The following RAG1 variants were observed in gnomAD, a reference collection of about 807,000 sequenced individuals.
The protein encoded by RAG1 is recombination activating 1.
A neutral mutation model predicts 62.7 loss-of-function variants in RAG1; 35 were observed. The observed-to-expected ratio is 0.56, with a 90% CI of 0.43 to 0.74. The LOEUF (loss-of-function observed/expected upper bound fraction) is 0.74. RAG1 is among the 30% of genes least tolerant of loss of function. The pLI is 0.00. For synonymous variants in RAG1, 461 were observed against 470.3 expected (o/e 0.98, Z 0.26); for missense variants, 1,169 against 1,278.6 (o/e 0.91, Z 1.31).
chr11:36,558,277 C>T (rs1444340306), intron 3 of RAG1, among the ~76,000 whole-genome samples: 2 of 152,162 alleles, frequency 1.3e-5, no homozygotes, highest in Non-Finnish European at 2.9e-5. Flanking sequence ...CTATAAGTGT[C>T]TGTTAGGTCC....
At chr11:36,544,356 GA>G (rs1199289297) in intron 3 of RAG1, among the ~76,000 whole-genome samples, 1 of 152,138 alleles carries the variant, frequency 6.6e-6, no homozygotes, top group Non-Finnish European at 1.5e-5. Flanking sequence ...CACTCTGATA[GA>G]ACACAAAGAA....
At chr11:36,548,932 C>T (rs1195568001) in intron 3 of RAG1, among the ~76,000 whole-genome samples, 1 of 151,992 alleles carries the variant, frequency 6.6e-6, no homozygotes, top group Non-Finnish European at 1.5e-5. Flanking sequence ...GGTATATAGA[C>T]CCATGGAACC....
At chr11:36,546,069 T>G (rs1452388259) in intron 3 of RAG1, among the ~76,000 whole-genome samples, 1 of 152,162 alleles carries the variant, frequency 6.6e-6, no homozygotes, top group Non-Finnish European at 1.5e-5. Flanking sequence ...TGATTTGGGG[T>G]GGAGAGTTCT....
intron 3 of RAG1, among the ~76,000 whole-genome samples, chr11:36,546,191 A>G (rs1441864800): frequency 1.3e-5 from 2 of 152,184 alleles, no homozygotes; most frequent in African/African-American, 4.8e-5. Context: ...AAAGTCTCCC[A>G]CTATTATTGT....
chr11:36,573,495 C>A lies in RAG1; in HGVS notation c.191C>A (p.Ala64Glu). ...EGKPSLEQSP[A>E]VLDKADGQKP... ...AAACCCTCTCTGGAGCAATCTCCAG[C>A]AGTCCTGGACAAGGCTGATGGTCAG... The change falls in exon 2 of 2, where the codon GCA becomes GAA. Residue 64 changes from alanine (A) to glutamate (E), a missense_variant. Transcript: ENST00000299440. The A allele has an allele frequency of 6.2e-7, 1 of 1,614,202 alleles. No individual in the cohort carries two copies. The highest frequency in any genetic ancestry group is 8.5e-7 in the Non-Finnish European group (1 of 1,180,020).
In RAG1 at chr11:36,575,902, G is replaced by A; in HGVS notation, c.2598G>A (p.Val866=). Reference sequence around the variant, plus strand: ...GGAAGCTCATGACCAAAGAGACTGTGGATGCAGTTTGTGAGTTAATTCCTT... The same window carrying A: ...GGAAGCTCATGACCAAAGAGACTGTAGATGCAGTTTGTGAGTTAATTCCTT... The part of the protein sequence containing the change: ...FARKLMTKET[V]DAVCELIPSE... Residue 866 remains valine (V), a synonymous_variant, in exon 2 of 2, where the codon GTG becomes GTA. Coordinates refer to ENST00000299440, the MANE Select transcript of RAG1 (RefSeq NM_000448.3). This position sits in a 1 kb window ranked among gnomAD's most constrained non-coding sequence, Gnocchi z 4.1. The A allele has an allele frequency of 1.2e-6, 2 of 1,614,162 alleles. No individual in the cohort carries two copies. The highest frequency in any genetic ancestry group is 2.7e-5 in the African/African-American group (2 of 75,060).
At chr11:36,512,635 T>C (rs5030490) in intron 1 of RAG1, among the ~76,000 whole-genome samples, 2,044 of 152,310 alleles carry the variant, frequency 0.013, 35 homozygotes, top group East Asian at 0.076. Flanking sequence ...TGAGGTCATA[T>C]GGAAAGATAC....
chr11:36,526,089 T>A (rs1001948302), intron 2 of RAG1, among the ~76,000 whole-genome samples: 3 of 152,202 alleles, frequency 2.0e-5, no homozygotes, highest in African/African-American at 7.2e-5. Context: ...TTTGCAAGTA[T>A]TTTGTTAAGA....
chr11:36,548,942 C>G (rs1274357194), intron 3 of RAG1, among the ~76,000 whole-genome samples: 1 of 151,690 alleles, frequency 6.6e-6, no homozygotes, highest in African/African-American at 2.4e-5. Flanking sequence ...CCCATGGAAC[C>G]AAACGGAAGC....
chr11:36,549,426 AG>A (rs1386992455), intron 3 of RAG1, among the ~76,000 whole-genome samples: 1 of 152,262 alleles, frequency 6.6e-6, no homozygotes, highest in Non-Finnish European at 1.5e-5. Flanking sequence ...CAACTTTAAA[AG>A]AAAAATACAA....
intron 1 of RAG1, among the ~76,000 whole-genome samples, chr11:36,569,873 A>T (rs1188675768): frequency 2.6e-5 from 4 of 152,206 alleles, no homozygotes; most frequent in Non-Finnish European, 5.9e-5. Flanking sequence ...TATCTACATA[A>T]AGGGAATCCT....
rs1376996089 is a variant in RAG1, at chr11:36,574,135, G to A, written c.831G>A (p.Lys277=). 5.0e-6 allele frequency: 8 copies of A among 1,614,104 alleles called. No homozygotes were observed. The highest frequency in any genetic ancestry group is 6.8e-6 in the Non-Finnish European group (8 of 1,180,054). Residue 277 remains lysine, a synonymous_variant, in exon 2 of 2, where the codon AAG becomes AAA. Coordinates refer to ENST00000299440, the MANE Select transcript of RAG1 (RefSeq NM_000448.3). ...ANCSKIHLST[K]LLAVDFPEHF... ...GCAGTAAGATACATCTTAGTACCAA[G>A]CTCCTTGCAGTGGACTTCCCAGAGC... is the stretch of plus-strand genomic sequence containing the variant.
rs1298613307 is a variant in RAG1 at position 36,579,480 on chromosome 11, T to C, written c.*3044T>C. 6.0e-6 allele frequency: 1 copy of C among 166,932 alleles called. No homozygotes were observed. Among genetic ancestry groups the C allele is most frequent in the Non-Finnish European group, 1.5e-5 (1 of 68,092 alleles). The allele number at this position is 166,932 out of a possible 1,614,324, so 10.3% of individuals were successfully genotyped here. ...TTTTTGGTGATTATTTTTTGTTTTG[T>C]AGAATTGCACTTCAGTTTATTTTCT... On this transcript the variant is annotated 3_prime_UTR_variant, in exon 2 of 2. Transcript: ENST00000299440.
rs944335790 is a variant in RAG1 at position 36,530,340 on chromosome 11, T to A, written n.429-5619T>A. 2.0e-5 allele frequency among the ~76,000 whole-genome samples: 3 copies of A among 151,864 alleles called. No homozygotes were observed. The South Asian group carries it at 6.2e-4, about 31-fold the overall frequency. On this transcript the variant is annotated intron_variant and non_coding_transcript_variant, in intron 2 of 2. Transcript: ENST00000529126. ...TCAATTTCATTGATTTCTGCTCCTC[T>A]TTTTATTACTTCTTTCCTTCTGCTT...
At chr11:36,513,311 C>T (rs904193289) in intron 1 of RAG1, among the ~76,000 whole-genome samples, 3 of 152,152 alleles carry the variant, frequency 2.0e-5, no homozygotes, top group Non-Finnish European at 4.4e-5. Context: ...AAGACAATAT[C>T]ATTCCTGGGT....
intron 3 of RAG1, among the ~76,000 whole-genome samples, chr11:36,544,436 A>C (rs1401403087): frequency 6.6e-6 from 1 of 152,222 alleles, no homozygotes; most frequent in African/African-American, 2.4e-5. Context: ...AAATGGTACC[A>C]GAGGAATCTA....
Position 36,576,660 on chromosome 11 carries a change from T to A in RAG1, c.*224T>A. On this transcript the variant is annotated 3_prime_UTR_variant, in exon 2 of 2. Transcript: ENST00000299440. ...CCGAAAAGCAACAGGAAAAATCAGT[T>A]ATCTGAAAGCTCAGTAACTCAGAAC... 1.7e-6 allele frequency: 1 copy of A among 583,764 alleles called. No individual in the cohort carries two copies. The allele number at this position is 583,764 out of a possible 1,614,324, so 36.2% of individuals were successfully genotyped here. A position where few individuals can be genotyped will look rare whatever the true frequency, so the allele number is the denominator to read the frequency against.
intron 3 of RAG1, among the ~76,000 whole-genome samples, chr11:36,562,324 A>T (rs1393841531): frequency 6.6e-6 from 1 of 152,298 alleles, no homozygotes; most frequent in Non-Finnish European, 1.5e-5. Context: ...TTGAGATAAC[A>T]TTGTATTTAA....
chr11:36,521,011 G>A (rs1860071674), intron 2 of RAG1, among the ~76,000 whole-genome samples: 1 of 146,964 alleles, frequency 6.8e-6, no homozygotes, highest in South Asian at 2.1e-4. Context: ...CCAGGCTAGA[G>A]TGCCATGGCA....
Sources: gnomAD v4.1 joint callset for allele counts (sites outside exome capture counted in the v4.1 genomes callset) on GRCh38, gnomAD v4.1.1 for gene constraint, Gnocchi (gnomAD v3.1) non-coding constraint, MANE v1.5 for transcripts, NCBI Gene and HGNC (gene_info 2026-07-23, HGNC 2026-07-21) for gene names.